TAF1: variants seen among roughly 807,000 people sequenced by gnomAD.
The protein encoded by TAF1 is TATA-box binding protein associated factor 1.
Under a neutral mutation model 138.5 loss-of-function variants are expected in TAF1, and 2 were observed. That is an observed-to-expected ratio of 0.01 (90% CI 0.01 to 0.05). The LOEUF (loss-of-function observed/expected upper bound fraction) is 0.05. TAF1 is among the 10% of genes least tolerant of loss of function. The probability of loss-of-function intolerance (pLI) is 1.00; values close to 1 mark genes in which losing one functional copy is unlikely to be tolerated. For synonymous variants in TAF1, 437 were observed against 503.2 expected (o/e 0.87, Z 1.76); for missense variants, 709 against 1,478.0 (o/e 0.48, Z 8.53).
chrX:71,474,521 G>A (rs1001392627), intron 13 of TAF1, among the ~76,000 whole-genome samples: 2 of 111,623 alleles, frequency 1.8e-5, no homozygotes, highest in Non-Finnish European at 3.8e-5. Context: ...GGCAGACAAG[G>A]AATAAGGAGG....
chrX:71,447,696 CAA>C (rs67753069), intron 32 of TAF1, among the ~76,000 whole-genome samples: 47 of 85,864 alleles, frequency 5.5e-4, no homozygotes, highest in African/African-American at 9.6e-4. Flanking sequence ...GACACTGTGT[CAA>C]AAAAAAAAAA....
At chrX:71,491,873 G>A (rs992853552) in intron 13 of TAF1, 9 of 110,508 alleles carry the variant, frequency 8.1e-5, no homozygotes, top group African/African-American at 3.0e-4. Flanking sequence ...CACCGTGTTA[G>A]CCAGGATGGT....
At chrX:71,408,561 C>T (rs943659628) in intron 28 of TAF1, among the ~76,000 whole-genome samples, 8 of 111,475 alleles carry the variant, frequency 7.2e-5, no homozygotes, top group African/African-American at 1.6e-4. Flanking sequence ...GTCATCCACC[C>T]GCCTCAGCCT....
chrX:71,382,054 T>G, intron 9 of TAF1, 135 bp downstream of exon 9: 2 of 716,021 alleles, frequency 2.8e-6, no homozygotes, highest in Non-Finnish European at 3.8e-6. Context: ...GAGAGCGAAG[T>G]TTTGGCTGTT....
At chrX:71,499,883 CT>C (rs1450647072) in intron 13 of TAF1, among the ~76,000 whole-genome samples, 1 of 112,019 alleles carries the variant, frequency 8.9e-6, no homozygotes, top group Non-Finnish European at 1.9e-5. Context: ...AAGGTTTGCC[CT>C]AGACCCTGTA....
chrX:71,430,096 CT>C (rs2036800887), intron 32 of TAF1, among the ~76,000 whole-genome samples: 2 of 111,669 alleles, frequency 1.8e-5, no homozygotes, highest in Non-Finnish European at 3.8e-5. Context: ...AATGGCACAT[CT>C]AGGCCGGGCA....
chrX:71,392,670 T>A lies in TAF1; in HGVS notation c.2883T>A (p.Gly961=). Reference sequence around the variant, plus strand: ...GGGTGGCAGATCCCACGGGGTGTGGTGAAGGATTCTCCTATGTGAAGATTC... The same window carrying A: ...GGGTGGCAGATCCCACGGGGTGTGGAGAAGGATTCTCCTATGTGAAGATTC... ...VTGVADPTGC[G]EGFSYVKIPN... The change falls in exon 19 of 38, where the codon GGT becomes GGA. Residue 961 remains glycine (G), a synonymous_variant. Transcript: ENST00000423759. The A allele has an allele frequency of 8.3e-7, 1 of 1,207,926 alleles. No individual in the cohort carries two copies. The highest frequency in any genetic ancestry group is 1.7e-5 in the African/African-American group (1 of 57,524).
At chrX:71,421,527 A>C in intron 29 of TAF1, 151 bp downstream of exon 29, 1 of 467,040 alleles carries the variant, frequency 2.1e-6, no homozygotes, top group Non-Finnish European at 3.6e-6. Context: ...GACTTATAGA[A>C]CTCATAGGCC....
chrX:71,482,504 A>G (rs1391788027), intron 13 of TAF1, among the ~76,000 whole-genome samples: 1 of 112,415 alleles, frequency 8.9e-6, no homozygotes, highest in African/African-American at 3.2e-5. Flanking sequence ...AGTCACAGGG[A>G]TTTTTTTGTT....
Position 71,424,180 on chromosome X carries a change from T to C in TAF1, c.4695T>C (p.Ser1565=). Residue 1565 remains serine, a synonymous_variant, in exon 32 of 38, where the codon AGT becomes AGC. Transcript: ENST00000423759. The part of the protein sequence containing the change: ...RKNISKHKYQ[S]RESFLDDVNL... ...ACATCTCCAAGCACAAGTATCAGAGTCGGGAGAGCTTTCTGGATGATGTAA... is the reference window on the plus strand; with the variant it reads ...ACATCTCCAAGCACAAGTATCAGAGCCGGGAGAGCTTTCTGGATGATGTAA... 1 of 1,210,992 alleles carries C rather than the reference T, an allele frequency of 8.3e-7. No homozygotes were observed. Among genetic ancestry groups the C allele is most frequent in the Non-Finnish European group, 1.1e-6 (1 of 895,166 alleles).
rs748065203 is a variant in TAF1 at position 71,424,162 on chromosome X, C to T, written c.4677C>T (p.Ser1559=). Residue 1559 remains serine (S), a synonymous_variant, in exon 32 of 38, where the codon TCC becomes TCT. Transcript: ENST00000423759. ...MDLETIRKNI[S]KHKYQSRESF... ...GATTCTTTTCATCACAGAACATCTC[C>T]AAGCACAAGTATCAGAGTCGGGAGA... The T allele has an allele frequency of 2.5e-6, 3 of 1,210,378 alleles. No homozygotes were observed. Among genetic ancestry groups the T allele is most frequent in the South Asian group, 1.8e-5 (1 of 56,755 alleles).
intron 25 of TAF1, among the ~76,000 whole-genome samples, chrX:71,403,566 A>G (rs978367460): frequency 1.8e-5 from 2 of 111,815 alleles, no homozygotes; most frequent in African/African-American, 6.5e-5. Context: ...CTCAGATCCT[A>G]TAATAAAATA....
At chrX:71,370,550 A>G (rs894705354) in intron 3 of TAF1, among the ~76,000 whole-genome samples, 3 of 111,558 alleles carry the variant, frequency 2.7e-5, no homozygotes, top group Non-Finnish European at 5.6e-5. Context: ...AGGTTTCGCC[A>G]TCTTGGCCAG....
chrX:71,420,033 T>TC (rs1310759496), intron 28 of TAF1: 3 of 301,575 alleles, frequency 9.9e-6, no homozygotes, highest in Middle Eastern at 5.0e-4. Flanking sequence ...TTTTTTTTTT[T>TC]CCCCTTCTGT....
intron 1 of TAF1, among the ~76,000 whole-genome samples, chrX:71,367,078 TGAG>T (rs2032582360): frequency 8.9e-6 from 1 of 112,047 alleles, no homozygotes; most frequent in African/African-American, 3.2e-5. Context: ...CCCGTTTTCT[TGAG>T]GAGTGAAGCT....
chrX:71,512,322 AAAAAC>A (rs1226539844), intron 13 of TAF1, among the ~76,000 whole-genome samples: 5 of 111,601 alleles, frequency 4.5e-5, no homozygotes, highest in Non-Finnish European at 9.4e-5. Context: ...CTCAAAAACA[AAAAAC>A]AAAACAAAAC....
chrX:71,525,293 C>T (rs1260288290), intron 13 of TAF1, among the ~76,000 whole-genome samples: 5 of 111,885 alleles, frequency 4.5e-5, no homozygotes, highest in Admixed American at 9.5e-5. Flanking sequence ...CCGCCTGCCT[C>T]GGCCTCCCAA....
chrX:71,457,679 C>T (rs2038367223), intron 34 of TAF1, among the ~76,000 whole-genome samples: 1 of 111,995 alleles, frequency 8.9e-6, no homozygotes, highest in Non-Finnish European at 1.9e-5. Context: ...TTGAGTTAAT[C>T]AAGGCTTAGA....
At chrX:71,453,222 A>G (rs1369098837) in intron 32 of TAF1, among the ~76,000 whole-genome samples, 3 of 111,451 alleles carry the variant, frequency 2.7e-5, no homozygotes, top group African/African-American at 9.8e-5. Context: ...GAGTTCCCAT[A>G]TACTCCCTGC....
Sources: gnomAD v4.1 joint callset for allele counts (sites outside exome capture counted in the v4.1 genomes callset) on GRCh38, gnomAD v4.1.1 for gene constraint, MANE v1.5 for transcripts, NCBI Gene and HGNC (gene_info 2026-07-23, HGNC 2026-07-21) for gene names.